MYO5B: variants seen among roughly 807,000 people sequenced by gnomAD.
The protein encoded by MYO5B is myosin VB.
A neutral mutation model predicts 229.3 loss-of-function variants in MYO5B; 143 were observed. The observed-to-expected ratio is 0.62, with a 90% CI of 0.54 to 0.72. The LOEUF (loss-of-function observed/expected upper bound fraction) is 0.72. MYO5B is among the 30% of genes least tolerant of loss of function. MYO5B has a pLI of 0.00. For synonymous variants in MYO5B, 918 were observed against 885.2 expected (o/e 1.04, Z -0.66); for missense variants, 2,321 against 2,331.0 (o/e 1.00, Z 0.09).
intron 1 of MYO5B, among the ~76,000 whole-genome samples, chr18:50,057,556 G>A (rs2030581087): frequency 6.6e-6 from 1 of 152,144 alleles, no homozygotes; most frequent in Admixed American, 6.5e-5. Flanking sequence ...CACTCGTGGG[G>A]TGGTTAGTTG....
chr18:49,852,101 G>C (rs2024208256), intron 31 of MYO5B, among the ~76,000 whole-genome samples: 1 of 152,200 alleles, frequency 6.6e-6, no homozygotes, highest in Non-Finnish European at 1.5e-5. Flanking sequence ...CTCTCTTAAG[G>C]TAGGACTCCT....
At chr18:49,970,769 A>C (rs543029811) in intron 10 of MYO5B, 6 of 152,170 alleles carry the variant, frequency 3.9e-5, no homozygotes, top group African/African-American at 1.4e-4. Flanking sequence ...GGAAGAAATC[A>C]GTGGCCACTG....
chr18:49,925,595 A>G (rs1801182053), intron 17 of MYO5B, among the ~76,000 whole-genome samples: 1 of 152,232 alleles, frequency 6.6e-6, no homozygotes, highest in South Asian at 2.1e-4. Context: ...TGCAGTGCAC[A>G]GTTCTGAGAA....
At chr18:50,037,608 C>T (rs1045268014) in intron 3 of MYO5B, among the ~76,000 whole-genome samples, 13 of 152,068 alleles carry the variant, frequency 8.5e-5, no homozygotes, top group East Asian at 1.9e-4. Flanking sequence ...ATGAATTGTG[C>T]GAGGGAAAAT....
chr18:50,112,369 C>A (rs1229897034), intron 1 of MYO5B, among the ~76,000 whole-genome samples: 3 of 152,164 alleles, frequency 2.0e-5, no homozygotes, highest in Non-Finnish European at 4.4e-5. Context: ...CCGTACCCAA[C>A]AATACTGGCC....
intron 1 of MYO5B, among the ~76,000 whole-genome samples, chr18:50,145,211 G>T (rs538594501): frequency 2.2e-4 from 33 of 152,100 alleles, no homozygotes; most frequent in African/African-American, 8.0e-4. Context: ...TTCTCAGCCG[G>T]GTGCAGCTCC....
chr18:49,900,148 C>T (rs1433879702), intron 21 of MYO5B, among the ~76,000 whole-genome samples: 1 of 152,220 alleles, frequency 6.6e-6, no homozygotes, highest in Non-Finnish European at 1.5e-5. Context: ...CCTGAGACTG[C>T]ACTCTGGCTG....
At position 50,194,878 on chromosome 18, in the gene MYO5B, C is replaced by G; in HGVS notation, c.-85G>C. On this transcript the variant is annotated 5_prime_UTR_variant, in exon 1 of 40. Coordinates refer to ENST00000285039, the MANE Select transcript of MYO5B (RefSeq NM_001080467.3). ...CGGCTGGCCCGCCTGGCGCCATGTT[C>G]CCGGGCTGGCCTGGAGTTTCTCGAT... The G allele has an allele frequency of 4.0e-6, 5 of 1,234,866 alleles. No homozygotes were observed. The highest frequency in any genetic ancestry group is 5.0e-6 in the Non-Finnish European group (5 of 990,548). The allele number at this position is 1,234,866 out of a possible 1,614,324, so 76.5% of individuals were successfully genotyped here.
At chr18:49,962,244 T>C in intron 12 of MYO5B, 22 bp downstream of exon 12, 6 of 1,614,104 alleles carry the variant, frequency 3.7e-6, no homozygotes, top group Non-Finnish European at 5.1e-6. Flanking sequence ...AGAATTGAAC[T>C]AATTTGCATC....
At chr18:49,885,878 G>T (rs2679727) in intron 22 of MYO5B, among the ~76,000 whole-genome samples, 88,175 of 151,902 alleles carry the variant, frequency 0.58, 25,738 homozygotes, top group Middle Eastern at 0.67. Context: ...AGGGCCCATA[G>T]AGAAAAGTAG....
In MYO5B at chr18:50,075,790, C is replaced by A. The variant is rs565010885; in HGVS notation, c.28-20412G>T. Reference sequence around the variant, plus strand: ...CAGGAGAGACGAGTTTTCATTCTAACAGGAGCATGGAGCCAGAACCCCAGG... The same window carrying A: ...CAGGAGAGACGAGTTTTCATTCTAAAAGGAGCATGGAGCCAGAACCCCAGG... On this transcript the variant is annotated intron_variant, in intron 1 of 39. Transcript: ENST00000285039. Among the ~76,000 whole-genome samples, 5 of 152,380 alleles carry A rather than the reference C, an allele frequency of 3.3e-5. No homozygotes were observed. In the South Asian group the frequency reaches 1.0e-3, roughly 32 times the overall value.
intron 2 of MYO5B, among the ~76,000 whole-genome samples, chr18:50,043,470 TTTACATATA>T (rs2030115321): frequency 1.0e-4 from 9 of 86,384 alleles, no homozygotes; most frequent in African/African-American, 4.0e-4. Context: ...TTTGTATATA[TTTACATATA>T]TAAATATATT....
intron 4 of MYO5B, among the ~76,000 whole-genome samples, chr18:50,016,833 A>G (rs2026220803): frequency 6.7e-6 from 1 of 150,318 alleles, no homozygotes; most frequent in African/African-American, 2.4e-5. Context: ...CCCTAAACCA[A>G]CCCCCGACCC....
intron 22 of MYO5B, among the ~76,000 whole-genome samples, chr18:49,885,851 A>G (rs1009206037): frequency 6.6e-6 from 1 of 152,166 alleles, no homozygotes; most frequent in African/African-American, 2.4e-5. Flanking sequence ...GTGGCCTTAC[A>G]TTAGGTTTGT....
intron 1 of MYO5B, among the ~76,000 whole-genome samples, chr18:50,115,887 T>TAGAA (rs2031953582): frequency 2.6e-5 from 4 of 152,198 alleles, no homozygotes; most frequent in African/African-American, 9.7e-5. Flanking sequence ...TAGCTGTTAA[T>TAGAA]GGCTGCTTGC....
intron 20 of MYO5B, 125 bp from the exon 21 acceptor site, chr18:49,902,958 A>G: frequency 8.2e-7 from 1 of 1,216,436 alleles, no homozygotes; most frequent in Admixed American, 2.0e-5. Context: ...TTACACAGAC[A>G]ATGTGCCCCC....
rs773193683 is a variant in MYO5B at position 50,185,441 on chromosome 18, G to C, written c.27+9326C>G. The stretch of plus-strand genomic sequence containing the variant: ...AATTCCAGCTTTAGGAATTTATTCT[G>C]AGAAAATAAATGAGGTTACAAGAAC... On this transcript the variant is annotated intron_variant, in intron 1 of 39. Coordinates refer to ENST00000285039, the MANE Select transcript of MYO5B (RefSeq NM_001080467.3). Among the ~76,000 whole-genome samples, 157 of 152,288 alleles carry C rather than the reference G, an allele frequency of 1.0e-3. 2 individuals are homozygous for C. The highest frequency in any genetic ancestry group is 1.9e-3 in the Non-Finnish European group (129 of 68,022).
chr18:49,876,138 G>T (rs2024519495), intron 25 of MYO5B: 3 of 389,448 alleles, frequency 7.7e-6, no homozygotes, highest in South Asian at 2.2e-5. Flanking sequence ...CACTTTCTTT[G>T]GAAGTTAAAA....
chr18:50,063,570 G>A (rs1401754232), intron 1 of MYO5B, among the ~76,000 whole-genome samples: 1 of 152,156 alleles, frequency 6.6e-6, no homozygotes, highest in Admixed American at 6.5e-5. Context: ...CAACCTCGGG[G>A]GAGAGGAGAA....
Sources: allele counts gnomAD v4.1 joint callset (sites outside exome capture counted in the v4.1 genomes callset), GRCh38; gene constraint gnomAD v4.1.1; transcripts MANE v1.5; gene names NCBI Gene and HGNC (gene_info 2026-07-23, HGNC 2026-07-21).